RYR3: variants seen among roughly 807,000 people sequenced by gnomAD.
The protein encoded by RYR3 is brain ryanodine receptor-calcium release channel.
RYR3 carries 207 observed loss-of-function variants against 584.3 expected under a neutral mutation model. That is an observed-to-expected ratio of 0.35 (90% CI 0.32 to 0.40). RYR3 has a LOEUF of 0.40. RYR3 is among the 10% of genes least tolerant of loss of function. RYR3 has a pLI of 1.00. For synonymous variants in RYR3, 2,416 were observed against 2,248.5 expected, an observed-to-expected ratio of 1.07 and a Z score of -2.11; for missense variants, 5,616 against 6,089.2, an observed-to-expected ratio of 0.92 and a Z score of 2.59.
Position 33,757,587 on chromosome 15 carries a change from T to C in RYR3, c.8696T>C (p.Met2899Thr), listed in dbSNP as rs1242250330. ...SGYASHKEKE[M>T]VAGLFCKLAA... is the part of the protein sequence containing the mutation. The stretch of plus-strand genomic sequence containing the variant: ...TATGCCTCCCATAAGGAGAAAGAAA[T>C]GGTGGCCGGGTGAGTCTACAAGATA... The change falls in exon 60 of 104, where the codon ATG becomes ACG. Residue 2899 changes from methionine to threonine, a missense_variant. Coordinates refer to ENST00000634891, the MANE Select transcript of RYR3 (RefSeq NM_001036.6). 1.2e-6 allele frequency: 2 copies of C among 1,610,350 alleles called. No individual in the cohort carries two copies. The highest frequency in any genetic ancestry group is 1.3e-5 in the African/African-American group (1 of 74,788).
chr15:33,395,016 T>A (rs2042217957), intron 1 of RYR3, among the ~76,000 whole-genome samples: 1 of 152,162 alleles, frequency 6.6e-6, no homozygotes, highest in Non-Finnish European at 1.5e-5. Flanking sequence ...TGGTATGGTA[T>A]GGGGTGCAAT....
At chr15:33,419,790 G>GA (rs1412225867) in intron 1 of RYR3, among the ~76,000 whole-genome samples, 6 of 152,226 alleles carry the variant, frequency 3.9e-5, no homozygotes, top group African/African-American at 1.4e-4. Context: ...GAAGCAGAAG[G>GA]AAAAAGTGAT....
chr15:33,430,033 A>G (rs1296117016), intron 1 of RYR3, among the ~76,000 whole-genome samples: 1 of 152,234 alleles, frequency 6.6e-6, no homozygotes, highest in Non-Finnish European at 1.5e-5. Flanking sequence ...GAGGGGAAGG[A>G]GGGCACGTGA....
intron 35 of RYR3, among the ~76,000 whole-genome samples, chr15:33,663,322 T>C (rs1566905529): frequency 6.6e-6 from 1 of 152,218 alleles, no homozygotes; most frequent in African/African-American, 2.4e-5. Context: ...CTTAGAAATA[T>C]TTTCTCTCTC....
chr15:33,640,300 G>A (rs563740146), intron 27 of RYR3, among the ~76,000 whole-genome samples: 9 of 152,320 alleles, frequency 5.9e-5, no homozygotes, highest in African/African-American at 1.4e-4. Context: ...GCAGGGGAGC[G>A]TGGCCTGTTG....
At chr15:33,627,863 C>A (rs544171242) in intron 20 of RYR3, among the ~76,000 whole-genome samples, 4 of 152,030 alleles carry the variant, frequency 2.6e-5, no homozygotes, top group Non-Finnish European at 4.4e-5. Context: ...AGAAGGGAAT[C>A]CCTCAGAAGG....
chr15:33,481,095 G>C lies in RYR3; in HGVS notation c.171+7557G>C, dbSNP rs138958696. 5.4e-3 allele frequency among the ~76,000 whole-genome samples: 821 copies of C among 152,220 alleles called. 3 individuals are homozygous for C. Among genetic ancestry groups the C allele is most frequent in the African/African-American group, 7.9e-3 (328 of 41,544 alleles). ...TGTCCTATTTGTCCTTGGTCTTATAGTATGCTTTGACTCATGCTAGTGTAG... is the reference window on the plus strand; with the variant it reads ...TGTCCTATTTGTCCTTGGTCTTATACTATGCTTTGACTCATGCTAGTGTAG... On this transcript the variant is annotated intron_variant, in intron 2 of 103. Transcript: ENST00000634891.
chr15:33,588,821 TG>T (rs1461986693), intron 16 of RYR3, among the ~76,000 whole-genome samples: 1 of 152,202 alleles, frequency 6.6e-6, no homozygotes, highest in Non-Finnish European at 1.5e-5. Flanking sequence ...CCATTGTGTG[TG>T]TGTGTGTATA....
rs758722275 is a variant in RYR3 at position 33,660,367 on chromosome 15, G to A, written c.4566G>A (p.Val1522=). 1.8e-5 allele frequency: 28 copies of A among 1,590,418 alleles called. No individual in the cohort carries two copies. In the South Asian group the frequency reaches 2.8e-4, roughly 16 times the overall value. The change falls in exon 34 of 104, where the codon GTG becomes GTA. Residue 1522 remains valine (V), a synonymous_variant. Coordinates refer to ENST00000634891, the MANE Select transcript of RYR3 (RefSeq NM_001036.6). Reference sequence around the variant, plus strand: ...GTGTGAGCGAGCGCCACGGCTGGGTGGTGCAGTGCCTGGAGCCCCTGCAGA... The same window carrying A: ...GTGTGAGCGAGCGCCACGGCTGGGTAGTGCAGTGCCTGGAGCCCCTGCAGA... The part of the protein sequence containing the change: ...TERVSERHGW[V]VQCLEPLQMM...
At position 33,857,910 on chromosome 15, in the gene RYR3, T is replaced by G; in HGVS notation, c.14138T>G (p.Met4713Arg). 6.2e-7 allele frequency: 1 copy of G among 1,614,060 alleles called. No homozygotes were observed. The highest frequency in any genetic ancestry group is 8.5e-7 in the Non-Finnish European group (1 of 1,179,996). Residue 4713 changes from methionine to arginine, a missense_variant, in exon 99 of 104, where the codon ATG becomes AGG. Around this residue, in one of 9 missense-constraint regions of RYR3, gnomAD observed 918 missense variants for 887.4 expected, o/e 1.03. Coordinates refer to ENST00000634891, the MANE Select transcript of RYR3 (RefSeq NM_001036.6). ...CCCGATATGAAGTGCGACGACATGATGACGGTGAGAGCCCACCCACTGCGG... is the reference window on the plus strand; with the variant it reads ...CCCGATATGAAGTGCGACGACATGAGGACGGTGAGAGCCCACCCACTGCGG... The part of the protein sequence containing the change: ...DEPDMKCDDM[M>R]TCYLFHMYVG...
Position 33,803,561 on chromosome 15 carries a change from G to C in RYR3, c.10011+1600G>C, listed in dbSNP as rs182072416. On this transcript the variant is annotated intron_variant, in intron 69 of 103. Transcript: ENST00000634891. ...AGATGGAGTCTCACTCTGTTGCCCA[G>C]CTGGAGTGCAGTGGCATGATCTCGG... Among the ~76,000 whole-genome samples the C allele has an allele frequency of 6.4e-3, 979 of 152,112 alleles. 5 individuals carry two copies. The highest frequency in any genetic ancestry group is 0.028 in the South Asian group (136 of 4,810).
chr15:33,447,352 G>C (rs1306862681), intron 1 of RYR3, among the ~76,000 whole-genome samples: 1 of 152,118 alleles, frequency 6.6e-6, no homozygotes, highest in Non-Finnish European at 1.5e-5. Flanking sequence ...GGTATGAACT[G>C]GGCAGTCTTC....
In RYR3 at chr15:33,756,339, CT is replaced by C; in HGVS notation, c.8550del (p.Arg2852ValfsTer32). 1 of 1,580,930 alleles carries C rather than the reference CT, an allele frequency of 6.3e-7. No homozygotes were observed. The highest frequency in any genetic ancestry group is 8.6e-7 in the Non-Finnish European group (1 of 1,162,516). Reference protein sequence around the residue: ...AIVSSGKTEKSPRDQEIKFFA... With the variant: ...AIVSSGKTEKXPRDQEIKFFA... ...GTCAGCAGTGGGAAAACTGAAAAGT[CT>C]CCCCGTGACCAGGAGATCAAATTCT... On this transcript the variant is annotated frameshift_variant, in exon 59 of 104. Coordinates refer to ENST00000634891, the MANE Select transcript of RYR3 (RefSeq NM_001036.6). LOFTEE classifies it high-confidence loss of function.
intron 19 of RYR3, among the ~76,000 whole-genome samples, chr15:33,622,901 G>A (rs892052175): frequency 3.3e-5 from 5 of 152,252 alleles, no homozygotes; most frequent in African/African-American, 1.2e-4. Flanking sequence ...TTTGCATGGG[G>A]AACTTTAGGG....
intron 67 of RYR3, among the ~76,000 whole-genome samples, chr15:33,797,512 T>C (rs1404810987): frequency 6.6e-6 from 1 of 152,146 alleles, no homozygotes; most frequent in Non-Finnish European, 1.5e-5. Flanking sequence ...TTTAATGAGA[T>C]GTTTTTCATT....
intron 1 of RYR3, among the ~76,000 whole-genome samples, chr15:33,330,359 G>A (rs1403034584): frequency 6.6e-6 from 1 of 152,036 alleles, no homozygotes; most frequent in Admixed American, 6.6e-5. Context: ...GCATCCCCCT[G>A]TCTGAAGTAG....
At chr15:33,495,330 A>G (rs2051320341) in intron 2 of RYR3, among the ~76,000 whole-genome samples, 1 of 152,216 alleles carries the variant, frequency 6.6e-6, no homozygotes, top group Admixed American at 6.5e-5. Context: ...CTCCAGGGAT[A>G]TTGATGCAGT....
chr15:33,760,672 A>G (rs1413654436), intron 60 of RYR3, among the ~76,000 whole-genome samples: 1 of 152,116 alleles, frequency 6.6e-6, no homozygotes, highest in Admixed American at 6.5e-5. Context: ...TTAAAACCCC[A>G]CTGTCAATAT....
chr15:33,363,424 T>C (rs1975043298), intron 1 of RYR3, among the ~76,000 whole-genome samples: 1 of 152,204 alleles, frequency 6.6e-6, no homozygotes, highest in East Asian at 1.9e-4. Context: ...TTTCTCATGC[T>C]CAGTTTTGGG....
Sources: gnomAD v4.1 joint callset for allele counts (sites outside exome capture counted in the v4.1 genomes callset) on GRCh38, gnomAD v4.1.1 for gene constraint, gnomAD v4.1.1 regional missense constraint, MANE v1.5 for transcripts, NCBI Gene and HGNC (gene_info 2026-07-23, HGNC 2026-07-21) for gene names.